VWA8: variants seen among roughly 807,000 people sequenced by gnomAD.
The protein encoded by VWA8 is von Willebrand factor A domain-containing protein 8.
A neutral mutation model predicts 241.5 loss-of-function variants in VWA8; 221 were observed. The ratio of observed to expected loss-of-function variants is 0.91; its 90% CI spans 0.82 to 1.02. The LOEUF is 1.02. VWA8 is among the 50% of genes least tolerant of loss of function. The pLI is 0.00. For missense variants in VWA8, 2,322 were observed against 2,328.7 expected (o/e 1.00, Z 0.06); for synonymous variants, 852 against 827.1 (o/e 1.03, Z -0.52).
chr13:41,772,520 A>G (rs2045832352), intron 20 of VWA8, among the ~76,000 whole-genome samples: 1 of 152,218 alleles, frequency 6.6e-6, no homozygotes, highest in Admixed American at 6.5e-5. Context: ...ATATAATGTT[A>G]TAATTACAGT....
At chr13:41,801,645 C>T (rs975035652) in intron 17 of VWA8, among the ~76,000 whole-genome samples, 3 of 152,124 alleles carry the variant, frequency 2.0e-5, no homozygotes, top group Non-Finnish European at 2.9e-5. Flanking sequence ...ATTCTACAAG[C>T]CAATGTTTTA....
At chr13:41,953,308 T>C (rs1878217907) in intron 1 of VWA8, among the ~76,000 whole-genome samples, 2 of 152,248 alleles carry the variant, frequency 1.3e-5, no homozygotes, top group Admixed American at 1.3e-4. Flanking sequence ...AACAACAGAA[T>C]GCATATTCTA....
intron 12 of VWA8, among the ~76,000 whole-genome samples, chr13:41,839,340 G>T (rs995087552): frequency 2.6e-5 from 4 of 151,966 alleles, no homozygotes; most frequent in South Asian, 2.1e-4. Flanking sequence ...TGTTTGATGG[G>T]GTTTTTTCTT....
Position 41,868,426 on chromosome 13 carries a change from T to C in VWA8, c.1132A>G (p.Lys378Glu), listed in dbSNP as rs1873415134. The part of the protein sequence containing the change: ...GSSLLPKEIV[K>E]VEKMMENHVS... ...TGGTTTTCCATCATCTTCTCTACTT[T>C]TACAATCTCTTTAGGAAGTAGAGAG... Residue 378 changes from lysine (K) to glutamate (E), a missense_variant, in exon 10 of 45, where the codon AAA (lysine) becomes GAA (glutamate). Coordinates refer to ENST00000379310, the MANE Select transcript of VWA8 (RefSeq NM_015058.2). The C allele has an allele frequency of 1.2e-6, 2 of 1,613,970 alleles. No individual in the cohort carries two copies. The highest frequency in any genetic ancestry group is 1.3e-5 in the African/African-American group (1 of 74,924).
intron 32 of VWA8, among the ~76,000 whole-genome samples, 172 bp downstream of exon 32, chr13:41,691,148 T>C (rs1428352734): frequency 1.3e-5 from 2 of 152,168 alleles, no homozygotes; most frequent in Non-Finnish European, 2.9e-5. Flanking sequence ...AAGTGACATT[T>C]ATTTTTTCTC....
At chr13:41,953,062 C>T (rs914968005) in intron 1 of VWA8, among the ~76,000 whole-genome samples, 3 of 151,958 alleles carry the variant, frequency 2.0e-5, no homozygotes, top group Admixed American at 6.6e-5. Context: ...GAAGCAAAAA[C>T]GGACAGAACT....
chr13:41,787,372 A>G (rs535493714), intron 18 of VWA8, 65 bp downstream of exon 18: 11 of 1,297,094 alleles, frequency 8.5e-6, no homozygotes, highest in South Asian at 4.9e-5. Context: ...GAATTAAAAT[A>G]AACAGCATCA....
chr13:41,854,763 G>A (rs9566867), intron 12 of VWA8, among the ~76,000 whole-genome samples: 9,323 of 152,268 alleles, frequency 0.061, 359 homozygotes, highest in East Asian at 0.12. Flanking sequence ...GCCATTAAGT[G>A]ATGCTGAAAC....
intron 4 of VWA8, among the ~76,000 whole-genome samples, chr13:41,899,878 C>T (rs182604381): frequency 1.3e-5 from 2 of 152,276 alleles, no homozygotes; most frequent in South Asian, 2.1e-4. Context: ...TACATCAATA[C>T]CCACTTTGCC....
chr13:41,772,529 G>C (rs1236004759), intron 20 of VWA8, among the ~76,000 whole-genome samples: 1 of 152,156 alleles, frequency 6.6e-6, no homozygotes, highest in Non-Finnish European at 1.5e-5. Context: ...TATAATTACA[G>C]TAGGTAGAAA....
intron 17 of VWA8, among the ~76,000 whole-genome samples, chr13:41,794,472 C>T (rs1476329400): frequency 1.3e-5 from 2 of 152,158 alleles, no homozygotes; most frequent in African/African-American, 2.4e-5. Context: ...AGTGATTTTA[C>T]ACATTGATTT....
At chr13:41,850,837 C>A (rs1313742829) in intron 12 of VWA8, among the ~76,000 whole-genome samples, 1 of 152,068 alleles carries the variant, frequency 6.6e-6, no homozygotes, top group Non-Finnish European at 1.5e-5. Context: ...AAATAAAGCA[C>A]CAGGAACTGA....
chr13:41,952,654 T>C (rs1309772534), intron 1 of VWA8, among the ~76,000 whole-genome samples: 1 of 152,010 alleles, frequency 6.6e-6, no homozygotes, highest in African/African-American at 2.4e-5. Context: ...ATTCCCTGAG[T>C]GTTAGAGCTG....
intron 5 of VWA8, among the ~76,000 whole-genome samples, chr13:41,889,232 T>C (rs1294023814): frequency 1.3e-5 from 2 of 152,190 alleles, no homozygotes; most frequent in African/African-American, 2.4e-5. Context: ...CTTATCTATA[T>C]GCTGTGAGGT....
intron 26 of VWA8, among the ~76,000 whole-genome samples, chr13:41,704,161 T>C (rs112178290): frequency 2.6e-5 from 4 of 152,348 alleles, no homozygotes; most frequent in African/African-American, 7.2e-5. Context: ...TATTTTGGCA[T>C]CTTAATTTTT....
chr13:41,846,271 G>A (rs893612321), intron 12 of VWA8, among the ~76,000 whole-genome samples: 6 of 152,078 alleles, frequency 3.9e-5, no homozygotes, highest in South Asian at 2.1e-4. Flanking sequence ...TGAATTACCC[G>A]TTTGGTATTC....
chr13:41,730,834 C>T (rs562596474), intron 22 of VWA8, among the ~76,000 whole-genome samples: 158 of 151,752 alleles, frequency 1.0e-3, no homozygotes, highest in Non-Finnish European at 2.1e-3. Flanking sequence ...AATGGGCATT[C>T]CTTCTACCAC....
At chr13:41,584,722 C>T (rs956507848) in intron 42 of VWA8, among the ~76,000 whole-genome samples, 1 of 152,166 alleles carries the variant, frequency 6.6e-6, no homozygotes, top group Non-Finnish European at 1.5e-5. Context: ...TGTCTTGCTA[C>T]AATTTCACTT....
chr13:41,671,154 A>G lies in VWA8; in HGVS notation c.4410-7T>C. 2 of 1,613,546 alleles carry G rather than the reference A, an allele frequency of 1.2e-6. No homozygotes were observed. Among genetic ancestry groups the G allele is most frequent in the Non-Finnish European group, 1.7e-6 (2 of 1,179,602 alleles). ...CGGCGAGAGAGATTCTGATCTGGAA[A>G]AAGGAATCCAAGTGAAGCTAAGAGA... On this transcript the variant is annotated splice_polypyrimidine_tract_variant and splice_region_variant and intron_variant, in intron 36 of 44. Transcript: ENST00000379310.
Sources: gnomAD v4.1 joint callset for allele counts (sites outside exome capture counted in the v4.1 genomes callset) on GRCh38, gnomAD v4.1.1 for gene constraint, MANE v1.5 for transcripts, NCBI Gene and HGNC (gene_info 2026-07-23, HGNC 2026-07-21) for gene names.